MSI2: variants seen among roughly 807,000 people sequenced by gnomAD.
MSI2 encodes the protein musashi RNA binding protein 2.
A neutral mutation model predicts 45.6 loss-of-function variants in MSI2; 17 were observed. The ratio of observed to expected loss-of-function variants is 0.37; its 90% CI spans 0.26 to 0.56. The LOEUF is 0.56. Among genes scored for constraint, MSI2 ranks in the 20% least tolerant of loss-of-function variants. MSI2 has a pLI of 0.77. For missense variants in MSI2, 293 were observed against 444.2 expected, an observed-to-expected ratio of 0.66 and a Z score of 3.06; for synonymous variants, 156 against 158.2, an observed-to-expected ratio of 0.99 and a Z score of 0.11.
At chr17:57,568,154 A>G (rs972593389) in intron 7 of MSI2, among the ~76,000 whole-genome samples, 1 of 152,194 alleles carries the variant, frequency 6.6e-6, no homozygotes, top group Non-Finnish European at 1.5e-5. Context: ...GCTCTCCGAG[A>G]GGGGACGTGA....
intron 7 of MSI2, among the ~76,000 whole-genome samples, chr17:57,572,759 C>T (rs909130953): frequency 1.3e-5 from 2 of 152,192 alleles, no homozygotes; most frequent in African/African-American, 2.4e-5. Context: ...TGAGCTCGGC[C>T]GACCTCCATT....
intron 5 of MSI2, among the ~76,000 whole-genome samples, chr17:57,349,210 C>G (rs1236401610): frequency 6.6e-6 from 1 of 152,174 alleles, no homozygotes; most frequent in South Asian, 2.1e-4. Flanking sequence ...CTGGGATTCT[C>G]CTCAGCTCAC....
intron 6 of MSI2, among the ~76,000 whole-genome samples, chr17:57,464,165 C>T (rs1347071616): frequency 1.3e-5 from 2 of 151,986 alleles, no homozygotes; most frequent in Non-Finnish European, 2.9e-5. Flanking sequence ...AAGAGTTGGC[C>T]AGGGCAGTGG....
At chr17:57,559,691 C>T (rs1373401907) in intron 7 of MSI2, among the ~76,000 whole-genome samples, 1 of 152,278 alleles carries the variant, frequency 6.6e-6, no homozygotes, top group Non-Finnish European at 1.5e-5. Context: ...CCTGTCCCTG[C>T]ACCCTGGCTT....
In MSI2 at chr17:57,446,342, T is replaced by C. The variant is rs969800549; in HGVS notation, c.405+44871T>C. Among the ~76,000 whole-genome samples, 4 of 151,826 alleles carry C rather than the reference T, an allele frequency of 2.6e-5. 1 individual carries two copies. The highest frequency in any genetic ancestry group is 9.7e-5 in the African/African-American group (4 of 41,328). ...AGTGAGCAAATGAGGGGAGATGAGG[T>C]TAGCGAGGTGGCAGGACCAGATCAT... On this transcript the variant is annotated intron_variant, in intron 6 of 13. Transcript: ENST00000284073.
chr17:57,462,354 T>A (rs2085247669), intron 6 of MSI2, among the ~76,000 whole-genome samples: 1 of 152,218 alleles, frequency 6.6e-6, no homozygotes, highest in South Asian at 2.1e-4. Flanking sequence ...CCACCAGAGA[T>A]GGACAGGTGC....
chr17:57,347,856 C>T lies in MSI2; in HGVS notation c.313-53523C>T, dbSNP rs1443607560. ...TGGGTTTCCACGTATCTGACCATTT[C>T]TTCTTTCTTCTGTTCACTGAACCAA... On this transcript the variant is annotated intron_variant, in intron 5 of 13. Transcript: ENST00000284073. Among the ~76,000 whole-genome samples, 2 of 152,218 alleles carry T rather than the reference C, an allele frequency of 1.3e-5. 1 individual carries two copies. Among genetic ancestry groups the T allele is most frequent in the East Asian group, 3.8e-4 (2 of 5,204 alleles).
intron 8 of MSI2, among the ~76,000 whole-genome samples, chr17:57,602,320 C>T (rs577038463): frequency 1.3e-5 from 2 of 151,938 alleles, no homozygotes; most frequent in African/African-American, 2.4e-5. Flanking sequence ...GATTGGACAC[C>T]CCTGCTTTCT....
At chr17:57,499,414 G>C (rs1233078364) in intron 6 of MSI2, among the ~76,000 whole-genome samples, 1 of 148,256 alleles carries the variant, frequency 6.7e-6, no homozygotes, top group Admixed American at 6.7e-5. Flanking sequence ...GGGCAATTCT[G>C]TATGCATTCT....
chr17:57,549,989 G>A (rs567778674), intron 7 of MSI2, among the ~76,000 whole-genome samples: 7 of 152,314 alleles, frequency 4.6e-5, no homozygotes, highest in Admixed American at 1.3e-4. Flanking sequence ...GTTGATGCTG[G>A]AGCAGGAGCA....
In MSI2 at chr17:57,281,306, C is replaced by T. The variant is rs147308191; in HGVS notation, c.312+19114C>T. Among the ~76,000 whole-genome samples the T allele has an allele frequency of 1.4e-3, 214 of 152,306 alleles. 1 individual carries two copies. The highest frequency in any genetic ancestry group is 3.4e-3 in the Middle Eastern group (1 of 294). ...AGGGATATAGTGTCAGTTCTCAGCACCTCTACTACCTGCAACGCCATCACC... is the reference window on the plus strand; with the variant it reads ...AGGGATATAGTGTCAGTTCTCAGCATCTCTACTACCTGCAACGCCATCACC... On this transcript the variant is annotated intron_variant, in intron 5 of 13. Transcript: ENST00000284073.
At chr17:57,563,052 CGCA>C (rs1454437172) in intron 7 of MSI2, among the ~76,000 whole-genome samples, 1 of 143,516 alleles carries the variant, frequency 7.0e-6, no homozygotes, top group Non-Finnish European at 1.5e-5. Flanking sequence ...GAGCAGAGAT[CGCA>C]CCACTGCACG....
At chr17:57,308,616 A>G (rs1912116214) in intron 5 of MSI2, among the ~76,000 whole-genome samples, 1 of 152,090 alleles carries the variant, frequency 6.6e-6, no homozygotes, top group African/African-American at 2.4e-5. Context: ...TTTGCTTGGT[A>G]TGGACAGGTG....
At chr17:57,365,875 G>A (rs943461806) in intron 5 of MSI2, among the ~76,000 whole-genome samples, 15 of 152,100 alleles carry the variant, frequency 9.9e-5, no homozygotes, top group African/African-American at 3.6e-4. Flanking sequence ...TCTACAGATT[G>A]TGGCACATAG....
At chr17:57,257,044 CA>C in intron 1 of MSI2, 53 bp from the exon 2 acceptor site, 1 of 1,453,646 alleles carries the variant, frequency 6.9e-7, no homozygotes, top group Non-Finnish European at 9.2e-7. Context: ...AGTTACACGT[CA>C]AAATGGCCGA....
At chr17:57,644,763 T>G (rs1910526019) in intron 10 of MSI2, among the ~76,000 whole-genome samples, 1 of 152,162 alleles carries the variant, frequency 6.6e-6, no homozygotes, top group African/African-American at 2.4e-5. Flanking sequence ...TGTTTCATAA[T>G]GGACCATTCG....
downstream of MSI2, among the ~76,000 whole-genome samples, chr17:57,685,876 G>A (rs1163093658): frequency 5.9e-5 from 9 of 152,218 alleles, no homozygotes; most frequent in Non-Finnish European, 8.8e-5. Context: ...GCCGGCCATC[G>A]TGGCCATGCT....
At chr17:57,698,907 G>A in the MSI2 span, among the ~76,000 whole-genome samples, 1 of 146,332 alleles carries the variant, frequency 6.8e-6, no homozygotes, top group African/African-American at 2.6e-5. Context: ...GTGTGTGTGT[G>A]TGTGTGTGTG....
chr17:57,645,350 A>C (rs1910576378), intron 10 of MSI2, among the ~76,000 whole-genome samples: 1 of 152,210 alleles, frequency 6.6e-6, no homozygotes. Flanking sequence ...AGGGGCTGGC[A>C]GACTGAAGAT....
Sources: gnomAD v4.1 joint callset for allele counts (sites outside exome capture counted in the v4.1 genomes callset) on GRCh38, gnomAD v4.1.1 for gene constraint, MANE v1.5 for transcripts, NCBI Gene and HGNC (gene_info 2026-07-23, HGNC 2026-07-21) for gene names.